Variants in METTL5 observed in about 807,000 individuals in gnomAD.
The protein encoded by METTL5 is methyltransferase 5, N6-adenosine.
METTL5 carries 28 observed loss-of-function variants against 26.5 expected under a neutral mutation model. The observed-to-expected ratio is 1.06, with a 90% confidence interval of 0.78 to 1.45. The LOEUF (loss-of-function observed/expected upper bound fraction) is 1.45. Among genes scored for constraint, METTL5 ranks in the 40% most tolerant of loss-of-function variants. The pLI is 0.00. For missense variants in METTL5, 231 were observed against 249.9 expected, an observed-to-expected ratio of 0.92 and a Z score of 0.51; for synonymous variants, 86 against 82.6, an observed-to-expected ratio of 1.04 and a Z score of -0.22.
At chr2:169,820,443 A>C (rs964413517) in intron 3 of METTL5, among the ~76,000 whole-genome samples, 1 of 152,218 alleles carries the variant, frequency 6.6e-6, no homozygotes, top group Non-Finnish European at 1.5e-5. Context: ...ATTCATTCAT[A>C]AGGGTTAGGC....
chr2:169,818,766 T>C lies in METTL5; in HGVS notation c.489+795A>G, dbSNP rs78231869. ...CATGTATGATTTAAATAATAATAGC[T>C]AACACATAGCAATTACACATGTCAG... On this transcript the variant is annotated intron_variant, in intron 4 of 6. Transcript: ENST00000260953. Among the ~76,000 whole-genome samples the C allele has an allele frequency of 9.2e-3, 1,400 of 152,326 alleles. 25 individuals carry two copies. The highest frequency in any genetic ancestry group is 0.031 in the African/African-American group (1,297 of 41,576).
intron 1 of METTL5, among the ~76,000 whole-genome samples, chr2:169,824,018 A>G (rs1227257080): frequency 6.6e-6 from 1 of 152,230 alleles, no homozygotes; most frequent in African/African-American, 2.4e-5. Flanking sequence ...TTGTTAAACT[A>G]TCATTCCACT....
At chr2:169,812,564 G>T in intron 5 of METTL5, 58 bp from the exon 6 acceptor site, 1 of 1,555,966 alleles carries the variant, frequency 6.4e-7, no homozygotes, top group South Asian at 1.2e-5. Flanking sequence ...TACCACCCTT[G>T]ACTAAACAAC....
At chr2:169,815,664 T>A in intron 4 of METTL5, 136 bp from the exon 5 acceptor site, 1 of 576,368 alleles carries the variant, frequency 1.7e-6, no homozygotes, top group Non-Finnish European at 3.0e-6. Flanking sequence ...AAATTTCAAT[T>A]GAATGGATAG....
rs1261526537 is a variant in METTL5 at position 169,821,291 on chromosome 2, A to G, written c.225-18T>C. On this transcript the variant is annotated intron_variant, in intron 2 of 6. Transcript: ENST00000260953. Reference sequence around the variant, plus strand: ...CACACAACCTATAAATACAAAACACATACAAAGAGTGGCGACTTATAGCTC... The same window carrying G: ...CACACAACCTATAAATACAAAACACGTACAAAGAGTGGCGACTTATAGCTC... 2 of 1,540,560 alleles carry G rather than the reference A, an allele frequency of 1.3e-6. No individual in the cohort carries two copies. Among genetic ancestry groups the G allele is most frequent in the South Asian group, 1.3e-5 (1 of 79,102 alleles).
chr2:169,817,436 T>A (rs1256040184), intron 4 of METTL5, among the ~76,000 whole-genome samples: 1 of 152,198 alleles, frequency 6.6e-6, no homozygotes, highest in African/African-American at 2.4e-5. Flanking sequence ...ACTGGGTATA[T>A]ACCCAAAGGG....
rs1331826166 is a variant in METTL5, at chr2:169,824,619, G to A, written c.-22C>T. 2 of 1,568,618 alleles carry A rather than the reference G, an allele frequency of 1.3e-6. No individual in the cohort carries two copies. Among genetic ancestry groups the A allele is most frequent in the East Asian group, 2.2e-5 (1 of 44,658 alleles). Reference sequence around the variant, plus strand: ...TCATTTTGTTTTAAAGTATGGACTCGTAGGGTTTGAAGGCACAGGATCTGC... The same window carrying A: ...TCATTTTGTTTTAAAGTATGGACTCATAGGGTTTGAAGGCACAGGATCTGC... On this transcript the variant is annotated 5_prime_UTR_variant, in exon 1 of 7. In the 5' UTR this introduces an upstream ATG that the reference lacks. Coordinates refer to ENST00000260953, the MANE Select transcript of METTL5 (RefSeq NM_014168.4).
intron 1 of METTL5, among the ~76,000 whole-genome samples, chr2:169,823,020 C>CT (rs1353515893): frequency 2.0e-5 from 3 of 152,200 alleles, no homozygotes; most frequent in Admixed American, 6.5e-5. Flanking sequence ...GGGTCTATCT[C>CT]TATCACCCAG....
intron 5 of METTL5, 111 bp from the exon 6 acceptor site, chr2:169,812,617 T>C: frequency 8.2e-7 from 1 of 1,222,766 alleles, no homozygotes; most frequent in African/African-American, 1.5e-5. Flanking sequence ...GCTGGTAAGC[T>C]GAACATTTTA....
At position 169,824,682 on chromosome 2, in the gene METTL5, A is replaced by AC; in HGVS notation, c.-86dup. The AC allele has an allele frequency of 1.8e-6, 2 of 1,096,640 alleles. No individual in the cohort carries two copies. The highest frequency in any genetic ancestry group is 2.4e-5 in the East Asian group (1 of 42,000). 67.9% of individuals were successfully genotyped at this position (1,096,640 alleles called of 1,614,324 possible). ...TGAACTGGGATCTTGTTTCCTCCCT[A>AC]CCCCCAACCTTCTCCCTTTTTCAGC... On this transcript the variant is annotated 5_prime_UTR_variant, in exon 1 of 7. Transcript: ENST00000260953.
chr2:169,816,392 C>G (rs1451642930), intron 4 of METTL5, among the ~76,000 whole-genome samples: 1 of 152,126 alleles, frequency 6.6e-6, no homozygotes. Context: ...TTTATAGATT[C>G]AATGCTATCA....
Position 169,819,651 on chromosome 2 carries a change from G to A in METTL5, c.407-8C>T, listed in dbSNP as rs2081557299. 6.2e-7 allele frequency: 1 copy of A among 1,601,550 alleles called. No individual in the cohort carries two copies. The highest frequency in any genetic ancestry group is 1.1e-5 in the South Asian group (1 of 89,966). ...GAAAAGCCATATCTGTCCCTGTGAAGAGTAGAAAAAAAGCTCCTATTTACC... is the reference window on the plus strand; with the variant it reads ...GAAAAGCCATATCTGTCCCTGTGAAAAGTAGAAAAAAAGCTCCTATTTACC... On this transcript the variant is annotated splice_polypyrimidine_tract_variant and splice_region_variant and intron_variant, in intron 3 of 6. Transcript: ENST00000260953.
At chr2:169,822,968 C>T (rs1469918720) in intron 1 of METTL5, among the ~76,000 whole-genome samples, 2 of 152,026 alleles carry the variant, frequency 1.3e-5, no homozygotes, top group Admixed American at 6.6e-5. Context: ...GCCACTGATT[C>T]CTGCGGATCC....
chr2:169,821,345 G>GTT (rs34089373), intron 2 of METTL5, 72 bp from the exon 3 acceptor site: 13,686 of 813,626 alleles, frequency 0.017, no homozygotes, highest in Non-Finnish European at 0.02. Flanking sequence ...AAAATTAGCT[G>GTT]TTTTTTTTTT....
At chr2:169,811,988 TA>T in intron 6 of METTL5, 130 bp from the exon 7 acceptor site, 1 of 1,060,612 alleles carries the variant, frequency 9.4e-7, no homozygotes, top group Non-Finnish European at 1.4e-6. Flanking sequence ...ATTCTTCCAT[TA>T]AATTGCCTTT....
chr2:169,824,401 C>A, intron 1 of METTL5, 88 bp downstream of exon 1: 1 of 1,073,082 alleles, frequency 9.3e-7, no homozygotes, highest in Non-Finnish European at 1.4e-6. Context: ...TCTAGACATT[C>A]TCTGTATCCA....
Position 169,815,508 on chromosome 2 carries a change from T to C in METTL5, c.510A>G (p.Ala170=). 6.2e-7 allele frequency: 1 copy of C among 1,603,044 alleles called. No homozygotes were observed. The highest frequency in any genetic ancestry group is 8.5e-7 in the Non-Finnish European group (1 of 1,171,430). The change falls in exon 5 of 7, where the codon GCA becomes GCG. Residue 170 remains alanine, a synonymous_variant. Transcript: ENST00000260953. ...TAATATCTATCTTGATTTTCCATTCTGCAGCTTTCTTTTGAACATGCTGAA... is the reference window on the plus strand; with the variant it reads ...TAATATCTATCTTGATTTTCCATTCCGCAGCTTTCTTTTGAACATGCTGAA... The part of the protein sequence containing the change: ...STREHVQKKA[A]EWKIKIDIIA...
intron 3 of METTL5, among the ~76,000 whole-genome samples, chr2:169,820,528 TA>T (rs2081570037): frequency 6.6e-6 from 1 of 152,220 alleles, no homozygotes; most frequent in African/African-American, 2.4e-5. Context: ...TACAAATTTG[TA>T]AAAATGAAAG....
At chr2:169,822,593 C>CT (rs983877649) in intron 1 of METTL5, among the ~76,000 whole-genome samples, 4 of 151,182 alleles carry the variant, frequency 2.6e-5, no homozygotes, top group South Asian at 2.1e-4. Context: ...GACATAGAAT[C>CT]TTTTTTTTTC....
Sources: allele counts gnomAD v4.1 joint callset (sites outside exome capture counted in the v4.1 genomes callset), GRCh38; gene constraint gnomAD v4.1.1; transcripts MANE v1.5; gene names NCBI Gene and HGNC (gene_info 2026-07-23, HGNC 2026-07-21).